SLC25A21: variants seen among roughly 807,000 people sequenced by gnomAD.
SLC25A21 encodes the protein solute carrier family 25 member 21, also known as mitochondrial 2-oxodicarboxylate carrier.
Under a neutral mutation model 43.8 loss-of-function variants are expected in SLC25A21, and 47 were observed. The observed-to-expected ratio is 1.07, with a 90% CI of 0.85 to 1.37. The LOEUF (loss-of-function observed/expected upper bound fraction) is 1.37, where lower values mean the gene tolerates loss of function less well. Among genes scored for constraint, SLC25A21 ranks in the 40% most tolerant of loss-of-function variants. The pLI is 0.00. For missense variants in SLC25A21, 352 were observed against 350.2 expected, an observed-to-expected ratio of 1.00 and a Z score of -0.04; for synonymous variants, 131 against 121.3, an observed-to-expected ratio of 1.08 and a Z score of -0.52.
rs139661929 is a variant in SLC25A21 at position 36,706,858 on chromosome 14, C to CA, written c.603+4459_603+4460insT. Among the ~76,000 whole-genome samples the CA allele has an allele frequency of 0.018, 2,747 of 150,542 alleles. 158 individuals carry two copies. In the East Asian group the frequency reaches 0.22, roughly 12 times the overall value. On this transcript the variant is annotated intron_variant, in intron 7 of 9. Transcript: ENST00000331299. ...ATTTCCATGCACACATTCTGCCTCT[C>CA]CCTCCCATCCCCACCCCATCCAGAG... is the stretch of plus-strand genomic sequence containing the variant.
At position 36,876,646 on chromosome 14, in the gene SLC25A21, C is replaced by T. The variant is rs112646161; in HGVS notation, c.71-1642G>A. Among the ~76,000 whole-genome samples, 632 of 152,110 alleles carry T rather than the reference C, an allele frequency of 4.2e-3. 5 individuals carry two copies. Among genetic ancestry groups the T allele is most frequent in the African/African-American group, 0.014 (586 of 41,504 alleles). On this transcript the variant is annotated intron_variant, in intron 1 of 9. Transcript: ENST00000331299. Reference sequence around the variant, plus strand: ...CTTGCTTGAGAATTCACATTTACCCCCAAAGTAAGAATCAGGTGACCAGAA... The same window carrying T: ...CTTGCTTGAGAATTCACATTTACCCTCAAAGTAAGAATCAGGTGACCAGAA...
rs374531966 is a variant in SLC25A21, at chr14:37,142,471, G to A, written c.70+29810C>T. 4.4e-3 allele frequency among the ~76,000 whole-genome samples: 665 copies of A among 152,190 alleles called. 4 individuals are homozygous for A. The highest frequency in any genetic ancestry group is 0.015 in the African/African-American group (633 of 41,518). On this transcript the variant is annotated intron_variant, in intron 1 of 9. Transcript: ENST00000331299. Reference sequence around the variant, plus strand: ...AGCTACCTGGGCTCAAGCGATTCCCGTACCTCAGCCTCTCAAGTAGCTGGG... The same window carrying A: ...AGCTACCTGGGCTCAAGCGATTCCCATACCTCAGCCTCTCAAGTAGCTGGG...
At chr14:36,888,825 C>T (rs187072081) in intron 1 of SLC25A21, among the ~76,000 whole-genome samples, 2 of 152,186 alleles carry the variant, frequency 1.3e-5, no homozygotes. Context: ...CACCTGTTAC[C>T]ATTAAAGAAA....
intron 2 of SLC25A21, among the ~76,000 whole-genome samples, chr14:36,862,620 G>A (rs1013709559): frequency 1.4e-5 from 2 of 143,134 alleles, no homozygotes; most frequent in Admixed American, 6.9e-5. Context: ...GGGCTGTGGG[G>A]CTAGGGGAGG....
chr14:37,171,419 T>C (rs1964126435), intron 1 of SLC25A21, among the ~76,000 whole-genome samples: 1 of 34,246 alleles, frequency 2.9e-5, no homozygotes, highest in South Asian at 1.8e-3. Context: ...TTAACAGGAT[T>C]TATTAGAGTT....
chr14:36,771,425 A>T (rs1156818850), intron 3 of SLC25A21, among the ~76,000 whole-genome samples: 1 of 152,198 alleles, frequency 6.6e-6, no homozygotes, highest in Admixed American at 6.5e-5. Context: ...CAGAACAAAG[A>T]TCACTTACTT....
intron 3 of SLC25A21, among the ~76,000 whole-genome samples, chr14:36,783,834 T>A (rs931909349): frequency 6.6e-6 from 1 of 152,194 alleles, no homozygotes; most frequent in African/African-American, 2.4e-5. Flanking sequence ...TGTCCTGCCA[T>A]CTTGCTGATG....
chr14:36,953,092 G>A (rs879453213), intron 1 of SLC25A21, among the ~76,000 whole-genome samples: 1 of 152,168 alleles, frequency 6.6e-6, no homozygotes, highest in Non-Finnish European at 1.5e-5. Context: ...TCTAAACACT[G>A]CTTTTGGTTA....
intron 1 of SLC25A21, among the ~76,000 whole-genome samples, chr14:37,052,585 A>G (rs1003540447): frequency 1.3e-5 from 2 of 152,212 alleles, no homozygotes; most frequent in Admixed American, 6.5e-5. Context: ...TTTGAAAACC[A>G]ATCAGCAAAA....
chr14:36,887,211 CATATAT>C (rs3985278), intron 1 of SLC25A21, among the ~76,000 whole-genome samples: 7 of 148,668 alleles, frequency 4.7e-5, no homozygotes, highest in East Asian at 2.0e-4. Flanking sequence ...TGTGTGTCTA[CATATAT>C]ATATATATAT....
intron 1 of SLC25A21, among the ~76,000 whole-genome samples, chr14:37,056,488 CAA>C (rs1219601593): frequency 1.5e-4 from 13 of 83,960 alleles, no homozygotes; most frequent in Non-Finnish European, 9.9e-5. Context: ...GACTCCATCT[CAA>C]AAAAAAAAAA....
chr14:36,807,361 A>G (rs948315601), intron 3 of SLC25A21, among the ~76,000 whole-genome samples: 1 of 152,152 alleles, frequency 6.6e-6, no homozygotes, highest in Non-Finnish European at 1.5e-5. Context: ...AGGAGAGTTG[A>G]GAGGGGAGAG....
intron 1 of SLC25A21, among the ~76,000 whole-genome samples, chr14:37,137,871 C>T (rs1963509576): frequency 6.6e-6 from 1 of 152,118 alleles, no homozygotes; most frequent in East Asian, 1.9e-4. Flanking sequence ...TAATTAACAA[C>T]TGACACTCAA....
Position 36,785,642 on chromosome 14 carries a change from G to A in SLC25A21, c.203+28276C>T, listed in dbSNP as rs144748696. Among the ~76,000 whole-genome samples, 9 of 152,310 alleles carry A rather than the reference G, an allele frequency of 5.9e-5. No homozygotes were observed. In the East Asian group the frequency reaches 1.7e-3, roughly 29 times the overall value. On this transcript the variant is annotated intron_variant, in intron 3 of 9. Coordinates refer to ENST00000331299, the MANE Select transcript of SLC25A21 (RefSeq NM_030631.4). ...ATACAGATCAGTGTGTCAGCATCCT[G>A]CATAATGTAAGCTCAATTTCAGTTG...
At chr14:36,724,457 T>A (rs937786176) in intron 6 of SLC25A21, among the ~76,000 whole-genome samples, 1 of 152,320 alleles carries the variant, frequency 6.6e-6, no homozygotes, top group African/African-American at 2.4e-5. Flanking sequence ...AGGGAAACTT[T>A]CCTACAGAAA....
chr14:36,799,530 G>A (rs1167105118), intron 3 of SLC25A21, among the ~76,000 whole-genome samples: 1 of 152,154 alleles, frequency 6.6e-6, no homozygotes, highest in African/African-American at 2.4e-5. Flanking sequence ...GAATAGTTTA[G>A]TGCCCTAACT....
chr14:36,945,673 T>C (rs1892663616), intron 1 of SLC25A21, among the ~76,000 whole-genome samples: 1 of 152,088 alleles, frequency 6.6e-6, no homozygotes, highest in Admixed American at 6.5e-5. Flanking sequence ...ATCAAATTCA[T>C]AGAAACAGAA....
intron 1 of SLC25A21, among the ~76,000 whole-genome samples, chr14:37,099,282 G>A (rs1962771248): frequency 1.3e-5 from 2 of 151,896 alleles, no homozygotes; most frequent in South Asian, 2.1e-4. Context: ...AATCCTCCTG[G>A]GGCGACCATC....
intron 1 of SLC25A21, among the ~76,000 whole-genome samples, chr14:36,898,231 T>G (rs1207915522): frequency 6.6e-6 from 1 of 152,156 alleles, no homozygotes; most frequent in African/African-American, 2.4e-5. Context: ...GCCTCAGCAA[T>G]GGCAGGCGCC....
Sources: allele counts gnomAD v4.1 joint callset (sites outside exome capture counted in the v4.1 genomes callset), GRCh38; gene constraint gnomAD v4.1.1; transcripts MANE v1.5; gene names NCBI Gene and HGNC (gene_info 2026-07-23, HGNC 2026-07-21).